The following DIAPH3 variants were observed in gnomAD, a reference collection of about 807,000 sequenced individuals.
DIAPH3 encodes the protein diaphanous related formin 3.
In DIAPH3, 117 loss-of-function variants were observed where a neutral mutation model predicts 144.3. The observed-to-expected ratio is 0.81, with a 90% confidence interval of 0.70 to 0.95. The LOEUF is 0.95. Ranked by LOEUF, DIAPH3 falls within the 40% of genes least tolerant of loss-of-function variation. DIAPH3 has a pLI of 0.00. For missense variants in DIAPH3, 1,421 were observed against 1,412.7 expected (o/e 1.01, Z -0.09); for synonymous variants, 519 against 488.9 (o/e 1.06, Z -0.81).
At chr13:59,903,336 T>C (rs888016186) in intron 20 of DIAPH3, among the ~76,000 whole-genome samples, 1 of 152,186 alleles carries the variant, frequency 6.6e-6, no homozygotes, top group Non-Finnish European at 1.5e-5. Context: ...GGTGGAGATA[T>C]CCTTTCAGTT....
chr13:59,806,565 G>C (rs952276194), intron 25 of DIAPH3, among the ~76,000 whole-genome samples: 2 of 151,878 alleles, frequency 1.3e-5, no homozygotes, highest in Non-Finnish European at 2.9e-5. Flanking sequence ...AGCCTAAGCA[G>C]TCTCCATCTC....
intron 20 of DIAPH3, among the ~76,000 whole-genome samples, chr13:59,899,807 TTG>T (rs1381719758): frequency 6.6e-6 from 1 of 152,232 alleles, no homozygotes; most frequent in African/African-American, 2.4e-5. Flanking sequence ...AAGCAAAATT[TTG>T]TACCTTTTGC....
rs111450616 is a variant in DIAPH3, at chr13:59,756,448, G to A, written c.3319+17741C>T. Reference sequence around the variant, plus strand: ...AGGAAGGAAGGAAGGAAGGAAAGAAGGAAGGAAGGAAGGAAGGAAAGAAGG... The same window carrying A: ...AGGAAGGAAGGAAGGAAGGAAAGAAAGAAGGAAGGAAGGAAGGAAAGAAGG... On this transcript the variant is annotated intron_variant, in intron 27 of 27. Coordinates refer to ENST00000400324, the MANE Select transcript of DIAPH3 (RefSeq NM_001042517.2). Among the ~76,000 whole-genome samples the A allele has an allele frequency of 2.3e-3, 285 of 126,264 alleles. 1 individual carries two copies. Among genetic ancestry groups the A allele is most frequent in the African/African-American group, 4.0e-3 (125 of 31,090 alleles). 82.8% of individuals were successfully genotyped at this position (126,264 alleles called of 152,430 possible).
At chr13:59,683,605 A>G in intron 27 of DIAPH3, among the ~76,000 whole-genome samples, 1 of 152,176 alleles carries the variant, frequency 6.6e-6, no homozygotes, top group East Asian at 1.9e-4. Flanking sequence ...AAGTGATAAA[A>G]TCTGGAAGAG....
At chr13:60,079,047 C>A (rs903799560) in intron 4 of DIAPH3, among the ~76,000 whole-genome samples, 14 of 151,772 alleles carry the variant, frequency 9.2e-5, no homozygotes, top group African/African-American at 3.1e-4. Context: ...CTCAGATGCA[C>A]GAGCCAATAT....
intron 21 of DIAPH3, among the ~76,000 whole-genome samples, chr13:59,874,086 A>G (rs1290895406): frequency 2.0e-5 from 3 of 152,076 alleles, no homozygotes; most frequent in Non-Finnish European, 4.4e-5. Flanking sequence ...CCAGTCAGGG[A>G]TTTTCCATTC....
intron 27 of DIAPH3, among the ~76,000 whole-genome samples, chr13:59,698,084 C>A (rs1353631443): frequency 6.6e-6 from 1 of 152,030 alleles, no homozygotes; most frequent in Non-Finnish European, 1.5e-5. Context: ...AATGCATATG[C>A]CCAAATGTGC....
chr13:60,039,900 G>A (rs753789335), intron 5 of DIAPH3, among the ~76,000 whole-genome samples: 7 of 152,056 alleles, frequency 4.6e-5, no homozygotes, highest in Non-Finnish European at 1.0e-4. Flanking sequence ...GTCCAGCTAA[G>A]TCATTTCTCT....
At chr13:60,160,692 C>A (rs1594808629) in intron 1 of DIAPH3, among the ~76,000 whole-genome samples, 2 of 152,214 alleles carry the variant, frequency 1.3e-5, no homozygotes, top group South Asian at 4.1e-4. Flanking sequence ...GCCCTGTCCT[C>A]TCAGCCTCCT....
intron 4 of DIAPH3, among the ~76,000 whole-genome samples, chr13:60,077,557 G>A (rs1192417543): frequency 6.6e-6 from 1 of 152,032 alleles, no homozygotes; most frequent in African/African-American, 2.4e-5. Flanking sequence ...AAGAAAGTAT[G>A]ACTTTATCAA....
At chr13:59,756,464 GGAAA>G (rs1487282973) in intron 27 of DIAPH3, among the ~76,000 whole-genome samples, 8 of 144,714 alleles carry the variant, frequency 5.5e-5, no homozygotes, top group Non-Finnish European at 1.1e-4. Context: ...AAGGAAGGAA[GGAAA>G]GAAGGAAGGA....
chr13:59,839,987 T>C (rs1259408790), intron 22 of DIAPH3, among the ~76,000 whole-genome samples: 1 of 152,174 alleles, frequency 6.6e-6, no homozygotes, highest in East Asian at 1.9e-4. Context: ...TTGTGTTTAT[T>C]ATCTAATAAT....
intron 22 of DIAPH3, 49 bp from the exon 23 acceptor site, chr13:59,839,497 TAA>T (rs1205711481): frequency 6.3e-7 from 1 of 1,583,310 alleles, no homozygotes; most frequent in Non-Finnish European, 8.6e-7. Context: ...TTATAATATA[TAA>T]AAGGTAAGAC....
At chr13:59,843,050 T>C (rs2042433268) in intron 22 of DIAPH3, among the ~76,000 whole-genome samples, 1 of 152,170 alleles carries the variant, frequency 6.6e-6, no homozygotes, top group South Asian at 2.1e-4. Flanking sequence ...GTTCTAACCC[T>C]TTAATCGTAT....
At chr13:59,736,487 G>A (rs1487887179) in intron 27 of DIAPH3, among the ~76,000 whole-genome samples, 2 of 152,000 alleles carry the variant, frequency 1.3e-5, no homozygotes, top group Admixed American at 6.6e-5. Flanking sequence ...TATTCTGACT[G>A]GCGTGAGGTA....
At chr13:59,804,874 G>A (rs778187568) in intron 25 of DIAPH3, among the ~76,000 whole-genome samples, 1 of 152,110 alleles carries the variant, frequency 6.6e-6, no homozygotes, top group South Asian at 2.1e-4. Flanking sequence ...AAGTACAAAC[G>A]TTAATTGCAT....
At chr13:59,842,479 A>G (rs548087894) in intron 22 of DIAPH3, among the ~76,000 whole-genome samples, 2 of 152,272 alleles carry the variant, frequency 1.3e-5, no homozygotes, top group Non-Finnish European at 2.9e-5. Flanking sequence ...TAATTCTCCA[A>G]TACCAACTGG....
intron 14 of DIAPH3, among the ~76,000 whole-genome samples, chr13:59,977,347 T>C (rs904433127): frequency 6.6e-6 from 1 of 151,576 alleles, no homozygotes; most frequent in Non-Finnish European, 1.5e-5. Context: ...CAATACTTTG[T>C]AAGGGGCACA....
intron 10 of DIAPH3, 52 bp downstream of exon 10, chr13:59,992,421 C>T (rs1381064501): frequency 2.1e-6 from 3 of 1,419,488 alleles, no homozygotes; most frequent in South Asian, 1.2e-5. Context: ...TTTCCCCCTA[C>T]TCAAGTACTC....
Sources: gnomAD v4.1 joint callset for allele counts (sites outside exome capture counted in the v4.1 genomes callset) on GRCh38, gnomAD v4.1.1 for gene constraint, MANE v1.5 for transcripts, NCBI Gene and HGNC (gene_info 2026-07-23, HGNC 2026-07-21) for gene names.